NRG3: variants seen among roughly 807,000 people sequenced by gnomAD.
NRG3 encodes the protein pro-neuregulin-3, membrane-bound isoform.
In NRG3, 31 loss-of-function variants were observed where a neutral mutation model predicts 66.9. The ratio of observed to expected loss-of-function variants is 0.46; its 90% confidence interval spans 0.35 to 0.63. The LOEUF (loss-of-function observed/expected upper bound fraction) is 0.63, where lower values mean the gene tolerates loss of function less well. Ranked by LOEUF, NRG3 falls within the 20% of genes least tolerant of loss-of-function variation. The pLI, the probability that NRG3 is intolerant of heterozygous loss-of-function variation, is 0.00. For synonymous variants in NRG3, 393 were observed against 359.4 expected (o/e 1.09, Z -1.06); for missense variants, 910 against 878.9 (o/e 1.04, Z -0.45).
At position 82,364,679 on chromosome 10, in the gene NRG3, G is replaced by A. The variant is rs772285339; in HGVS notation, c.953+5811G>A. Among the ~76,000 whole-genome samples, 40 of 152,264 alleles carry A rather than the reference G, an allele frequency of 2.6e-4. No individual in the cohort carries two copies. The Middle Eastern group carries it at 0.017, about 65-fold the overall frequency. On this transcript the variant is annotated intron_variant, in intron 2 of 8. Transcript: ENST00000372141. ...ACTGAAGCTCATTAAATGTTTCACC[G>A]GCCTTCCTGCAAAAATGGATTTTCA...
chr10:82,823,775 G>T (rs1420501859), intron 3 of NRG3, among the ~76,000 whole-genome samples: 1 of 152,068 alleles, frequency 6.6e-6, no homozygotes, highest in Non-Finnish European at 1.5e-5. Flanking sequence ...GCTTGACTGA[G>T]GTCTCCGTTG....
chr10:82,708,921 A>G (rs1889706), intron 2 of NRG3, among the ~76,000 whole-genome samples: 47,587 of 151,810 alleles, frequency 0.31, 8,384 homozygotes, highest in African/African-American at 0.47. Flanking sequence ...GTGCTCATAT[A>G]TCTTTGTATT....
At chr10:81,935,364 A>G (rs2133041060) in intron 1 of NRG3, among the ~76,000 whole-genome samples, 1 of 152,304 alleles carries the variant, frequency 6.6e-6, no homozygotes, top group East Asian at 1.9e-4. Context: ...TAATTTCCTA[A>G]GCAACATCAG....
At chr10:82,860,909 T>G (rs1303111817) in intron 3 of NRG3, among the ~76,000 whole-genome samples, 1 of 152,178 alleles carries the variant, frequency 6.6e-6, no homozygotes, top group Non-Finnish European at 1.5e-5. Flanking sequence ...CCTGCAGGCG[T>G]GAATATCCCT....
At chr10:82,694,978 C>T (rs2055257562) in intron 2 of NRG3, among the ~76,000 whole-genome samples, 1 of 152,068 alleles carries the variant, frequency 6.6e-6, no homozygotes, top group South Asian at 2.1e-4. Flanking sequence ...CATTTTAAGG[C>T]AGCCATTTTA....
At chr10:81,939,201 AT>A (rs1848180292) in intron 1 of NRG3, among the ~76,000 whole-genome samples, 1 of 151,900 alleles carries the variant, frequency 6.6e-6, no homozygotes, top group African/African-American at 2.4e-5. Flanking sequence ...TTGCATCAAT[AT>A]TTATCATAGA....
intron 1 of NRG3, among the ~76,000 whole-genome samples, chr10:82,099,015 T>C (rs369777752): frequency 1.3e-5 from 2 of 152,200 alleles, no homozygotes; most frequent in African/African-American, 2.4e-5. Context: ...TCTGCCCGCA[T>C]TGACCTCCCA....
At chr10:82,779,658 T>C (rs1409964086) in intron 3 of NRG3, among the ~76,000 whole-genome samples, 1 of 152,186 alleles carries the variant, frequency 6.6e-6, no homozygotes, top group Non-Finnish European at 1.5e-5. Context: ...GATTATTATA[T>C]ATTTCATTTC....
chr10:81,978,906 C>T (rs951882282), intron 1 of NRG3, among the ~76,000 whole-genome samples: 1 of 151,956 alleles, frequency 6.6e-6, no homozygotes, highest in African/African-American at 2.4e-5. Context: ...TTAAAAATTT[C>T]CTGGCCGGGC....
intron 1 of NRG3, among the ~76,000 whole-genome samples, chr10:82,111,048 T>A (rs1038070531): frequency 6.6e-6 from 1 of 152,300 alleles, no homozygotes; most frequent in African/African-American, 2.4e-5. Context: ...CTGTTGCCTG[T>A]AAGAAAAGAG....
intron 2 of NRG3, among the ~76,000 whole-genome samples, chr10:82,685,021 G>A (rs907068222): frequency 6.6e-6 from 1 of 151,676 alleles, no homozygotes; most frequent in Non-Finnish European, 1.5e-5. Flanking sequence ...GGGAAGGGAG[G>A]GTAAGGCAAG....
At chr10:82,130,230 TA>T (rs1324289273) in intron 1 of NRG3, among the ~76,000 whole-genome samples, 1 of 151,902 alleles carries the variant, frequency 6.6e-6, no homozygotes, top group African/African-American at 2.4e-5. Context: ...TATATATATA[TA>T]TTTTTATTAT....
chr10:81,987,233 C>T (rs761922599), intron 1 of NRG3, among the ~76,000 whole-genome samples: 20 of 152,140 alleles, frequency 1.3e-4, no homozygotes, highest in East Asian at 1.9e-4. Context: ...TACAGGCGCA[C>T]GCCACCACAC....
At chr10:82,591,165 A>T (rs936818419) in intron 2 of NRG3, among the ~76,000 whole-genome samples, 4 of 152,166 alleles carry the variant, frequency 2.6e-5, no homozygotes, top group Non-Finnish European at 5.9e-5. Flanking sequence ...ACGGGCTTCC[A>T]TTGAGTTCTT....
At chr10:82,138,654 G>A (rs949676336) in intron 1 of NRG3, among the ~76,000 whole-genome samples, 20 of 152,186 alleles carry the variant, frequency 1.3e-4, no homozygotes, top group African/African-American at 4.1e-4. Context: ...AAGGAATTCA[G>A]TGGTGAATCA....
At chr10:82,116,874 TCTC>T (rs1416161268) in intron 1 of NRG3, among the ~76,000 whole-genome samples, 5 of 152,078 alleles carry the variant, frequency 3.3e-5, no homozygotes, top group Non-Finnish European at 7.4e-5. Flanking sequence ...TCGGTACTCT[TCTC>T]CTTCCAGACA....
intron 1 of NRG3, among the ~76,000 whole-genome samples, chr10:82,170,654 G>GTGTATATA (rs1554839695): frequency 0.014 from 1,057 of 74,140 alleles, 110 homozygotes; most frequent in Non-Finnish European, 0.021. Flanking sequence ...AAAACTTGTG[G>GTGTATATA]TATATATATA....
At chr10:82,760,962 C>T (rs896370306) in intron 3 of NRG3, among the ~76,000 whole-genome samples, 3 of 151,518 alleles carry the variant, frequency 2.0e-5, no homozygotes, top group Non-Finnish European at 4.4e-5. Context: ...AACGTAGACT[C>T]TCAGGAGACT....
chr10:82,613,119 A>G (rs549742363), intron 2 of NRG3, among the ~76,000 whole-genome samples: 2 of 152,320 alleles, frequency 1.3e-5, no homozygotes, highest in South Asian at 2.1e-4. Context: ...CTTGTATCCA[A>G]TTAGAAATAA....
Sources: allele counts gnomAD v4.1 joint callset (sites outside exome capture counted in the v4.1 genomes callset), GRCh38; gene constraint gnomAD v4.1.1; transcripts MANE v1.5; gene names NCBI Gene and HGNC (gene_info 2026-07-23, HGNC 2026-07-21).